The following FAM234A variants were observed in gnomAD, a reference collection of about 807,000 sequenced individuals.
The protein encoded by FAM234A is protein FAM234A.
In FAM234A, 42 loss-of-function variants were observed where a neutral mutation model predicts 49.1. The observed-to-expected ratio is 0.86, with a 90% confidence interval of 0.67 to 1.11. The LOEUF is 1.11. Among genes scored for constraint, FAM234A ranks in the 50% least tolerant of loss-of-function variants. The probability of loss-of-function intolerance (pLI) is 0.00; values close to 1 mark genes in which losing one functional copy is unlikely to be tolerated. For missense variants in FAM234A, 815 were observed against 745.2 expected (o/e 1.09, Z -1.09); for synonymous variants, 369 against 316.2 (o/e 1.17, Z -1.77).
At chr16:250,125 G>T (rs1232204656) in intron 2 of FAM234A, among the ~76,000 whole-genome samples, 1 of 152,126 alleles carries the variant, frequency 6.6e-6, no homozygotes, top group Non-Finnish European at 1.5e-5. Flanking sequence ...TAGAGACGGG[G>T]TTTCACCGTG....
At chr16:261,961 G>C in intron 6 of FAM234A, 132 bp from the exon 7 acceptor site, 1 of 1,268,858 alleles carries the variant, frequency 7.9e-7, no homozygotes, top group South Asian at 1.5e-5. Context: ...CCGCCCCCAG[G>C]CTCACGTCCC....
intron 3 of FAM234A, among the ~76,000 whole-genome samples, chr16:255,068 G>C (rs1377511863): frequency 2.6e-5 from 4 of 151,876 alleles, no homozygotes; most frequent in Non-Finnish European, 5.9e-5. Context: ...GTTGGTCAGG[G>C]TGGTCTCGAA....
At chr16:266,610 C>T (rs1053477214), downstream of FAM234A, among the ~76,000 whole-genome samples, 3 of 152,188 alleles carry the variant, frequency 2.0e-5, no homozygotes, top group Non-Finnish European at 4.4e-5. Context: ...GTGAAAAGCC[C>T]CGCTTCAGAG....
downstream of FAM234A, chr16:268,780 A>T (rs556432276): frequency 1.9e-6 from 3 of 1,549,980 alleles, no homozygotes; most frequent in Admixed American, 2.0e-5. Flanking sequence ...TTCCAGGCTC[A>T]CACTGGGCGA....
downstream of FAM234A, chr16:269,599 C>A (rs756250330): frequency 1.2e-6 from 2 of 1,602,224 alleles, no homozygotes; most frequent in East Asian, 2.2e-5. Flanking sequence ...CAAGAGACAG[C>A]GTCCAGCCCC....
chr16:248,875 TC>T (rs1240398906), intron 1 of FAM234A, among the ~76,000 whole-genome samples: 2 of 151,836 alleles, frequency 1.3e-5, no homozygotes, highest in Non-Finnish European at 2.9e-5. Context: ...CCTGCCTCAG[TC>T]CCCCAAAGTG....
At chr16:268,438 G>A (rs937881518), downstream of FAM234A, 17 of 379,782 alleles carry the variant, frequency 4.5e-5, no homozygotes, top group African/African-American at 2.2e-4. Flanking sequence ...CTGCACCCCC[G>A]AAAGGAGCCA....
chr16:246,662 G>A (rs1185642426), intron 1 of FAM234A, among the ~76,000 whole-genome samples: 5 of 150,950 alleles, frequency 3.3e-5, no homozygotes, highest in African/African-American at 4.9e-5. Flanking sequence ...CTTGTGATCC[G>A]CCCGCTTTGG....
At chr16:243,444 C>CA (rs778749308) in intron 1 of FAM234A, among the ~76,000 whole-genome samples, 13 of 152,178 alleles carry the variant, frequency 8.5e-5, no homozygotes, top group Non-Finnish European at 1.5e-4. Flanking sequence ...TTTTCTCTGC[C>CA]AGTCAGGTTC....
At chr16:266,827 C>T (rs759305474), downstream of FAM234A, among the ~76,000 whole-genome samples, 1 of 152,118 alleles carries the variant, frequency 6.6e-6, no homozygotes, top group Non-Finnish European at 1.5e-5. Context: ...GCCAGGCGGG[C>T]AGGGTGGGGC....
Position 236,799 on chromosome 16 carries a change from G to A in FAM234A, c.-140+1942G>A, listed in dbSNP as rs1208334821. Among the ~76,000 whole-genome samples, 43 of 116,968 alleles carry A rather than the reference G, an allele frequency of 3.7e-4. 5 individuals are homozygous for A. Among genetic ancestry groups the A allele is most frequent in the African/African-American group, 1.2e-3 (41 of 35,490 alleles). The allele number at this position is 116,968 out of a possible 152,430, so 76.7% of individuals were successfully genotyped here. On this transcript the variant is annotated intron_variant, in intron 1 of 12. Coordinates refer to ENST00000399932, the MANE Select transcript of FAM234A (RefSeq NM_032039.4). ...CGGGCGCCTGTAGTCCCAGCTACGC[G>A]GGAGGCTGAGGCAGGAGAATGGCGG...
intron 1 of FAM234A, among the ~76,000 whole-genome samples, chr16:244,114 A>G (rs143342706): frequency 0.048 from 7,356 of 151,710 alleles, 545 homozygotes; most frequent in African/African-American, 0.16. Flanking sequence ...GACTACAGGC[A>G]CCCGCCACCA....
chr16:269,519 G>A (rs756268925), downstream of FAM234A: 17 of 1,613,128 alleles, frequency 1.1e-5, no homozygotes, highest in Non-Finnish European at 1.4e-5. Flanking sequence ...TTCATCTCCA[G>A]CGGGATCCCA....
chr16:240,447 G>T (rs1450787827), intron 1 of FAM234A, among the ~76,000 whole-genome samples: 2 of 151,858 alleles, frequency 1.3e-5, no homozygotes, highest in Non-Finnish European at 2.9e-5. Context: ...GTTAACCAGG[G>T]TCAGTGGGGG....
rs113126669 is a variant in FAM234A at position 238,303 on chromosome 16, A to G, written c.-140+3446A>G. ...CAAAGTGCTGGAATTAGAAGCATGA[A>G]CCACCGCCCCCGCCCCTGTCCGAAC... On this transcript the variant is annotated intron_variant, in intron 1 of 12. Transcript: ENST00000399932. Among the ~76,000 whole-genome samples, 1,188 of 151,990 alleles carry G rather than the reference A, an allele frequency of 7.8e-3. 15 individuals are homozygous for G. The highest frequency in any genetic ancestry group is 0.027 in the African/African-American group (1,138 of 41,436).
downstream of FAM234A, among the ~76,000 whole-genome samples, chr16:266,457 G>A (rs1022836236): frequency 1.1e-4 from 16 of 152,292 alleles, no homozygotes; most frequent in African/African-American, 2.9e-4. Context: ...TGGTAGGGCC[G>A]GGGTGAGCTC....
Position 259,486 on chromosome 16 carries a change from T to C in FAM234A, c.272T>C (p.Ile91Thr). 2 of 1,577,798 alleles carry C rather than the reference T, an allele frequency of 1.3e-6. No individual in the cohort carries two copies. The highest frequency in any genetic ancestry group is 2.2e-5 in the South Asian group (2 of 90,294). Reference sequence around the variant, plus strand: ...AGTCTGTGGTTTTCTCTTTCAGTTATCTATGACTTTCTGGCTGTGGATGAT... The same window carrying C: ...AGTCTGTGGTTTTCTCTTTCAGTTACCTATGACTTTCTGGCTGTGGATGAT... ...MWRIDYSAAVIYDFLAVDDIN... is the reference protein window; with the variant it reads ...MWRIDYSAAVTYDFLAVDDIN... The change falls in exon 4 of 13, where the codon ATC becomes ACC. Residue 91 changes from isoleucine (I) to threonine (T), a missense_variant. By Grantham distance (89) the Ile-to-Thr change is moderately conservative (BLOSUM62 -1). Coordinates refer to ENST00000399932, the MANE Select transcript of FAM234A (RefSeq NM_032039.4).
At chr16:246,570 C>G (rs1287786784) in intron 1 of FAM234A, among the ~76,000 whole-genome samples, 1 of 150,236 alleles carries the variant, frequency 6.7e-6, no homozygotes, top group Non-Finnish European at 1.5e-5. Flanking sequence ...AAGGTGCCCG[C>G]CACCACACCC....
At chr16:242,532 G>C (rs2050654127) in intron 1 of FAM234A, among the ~76,000 whole-genome samples, 1 of 151,812 alleles carries the variant, frequency 6.6e-6, no homozygotes, top group South Asian at 2.1e-4. Context: ...CTGTAGGCCA[G>C]GGGAATAATC....
Sources: allele counts gnomAD v4.1 joint callset (sites outside exome capture counted in the v4.1 genomes callset), GRCh38; gene constraint gnomAD v4.1.1; transcripts MANE v1.5; gene names NCBI Gene and HGNC (gene_info 2026-07-23, HGNC 2026-07-21).